RANBP17: variants seen among roughly 807,000 people sequenced by gnomAD.
RANBP17 encodes ran-binding protein 17.
RANBP17 carries 158 observed loss-of-function variants against 141.2 expected under a neutral mutation model. That is an observed-to-expected ratio of 1.12 (90% CI 0.98 to 1.28). RANBP17 has a LOEUF of 1.28. RANBP17 is among the 50% of genes most tolerant of loss of function. The pLI, the probability that RANBP17 is intolerant of heterozygous loss-of-function variation, is 0.00. For missense variants in RANBP17, 1,438 were observed against 1,290.7 expected (o/e 1.11, Z -1.75); for synonymous variants, 430 against 450.0 (o/e 0.96, Z 0.56).
intron 14 of RANBP17, among the ~76,000 whole-genome samples, chr5:170,973,494 A>G (rs1380801498): frequency 2.6e-5 from 4 of 152,242 alleles, no homozygotes; most frequent in South Asian, 2.1e-4. Context: ...AGAAAACACA[A>G]TAGACAAAGT....
In RANBP17 at chr5:171,148,599, G is replaced by GAT. The variant is rs148405071; in HGVS notation, c.1711-21515_1711-21514dup. ...AGGTACTTGTCTATATATCTGTATT[G>GAT]ATATATATATATATATAGAGAGAGA... is the stretch of plus-strand genomic sequence containing the variant. On this transcript the variant is annotated intron_variant, in intron 14 of 27. Transcript: ENST00000523189. Among the ~76,000 whole-genome samples the GAT allele has an allele frequency of 3.6e-3, 538 of 150,560 alleles. 4 individuals are homozygous for GAT. Among genetic ancestry groups the GAT allele is most frequent in the African/African-American group, 0.011 (440 of 40,900 alleles).
Position 171,183,846 on chromosome 5 carries a change from G to A in RANBP17, c.2038+416G>A, listed in dbSNP as rs866881675. On this transcript the variant is annotated intron_variant, in intron 18 of 27. Transcript: ENST00000523189. ...GTAGGGAATTGTAAAATTATGGCAC[G>A]CCTACTTACTTGTAGAATGATTGGC... Among the ~76,000 whole-genome samples, 22 of 152,280 alleles carry A rather than the reference G, an allele frequency of 1.4e-4. 1 individual carries two copies. In the South Asian group the frequency reaches 2.1e-3, roughly 14 times the overall value.
At chr5:170,988,562 AT>A (rs775067153) in intron 14 of RANBP17, among the ~76,000 whole-genome samples, 2 of 151,590 alleles carry the variant, frequency 1.3e-5, no homozygotes, top group South Asian at 2.1e-4. Flanking sequence ...TCAGTCTGTA[AT>A]TTTTTTTAAT....
chr5:171,103,411 C>T (rs1402713288), intron 14 of RANBP17, among the ~76,000 whole-genome samples: 2 of 152,180 alleles, frequency 1.3e-5, no homozygotes, highest in South Asian at 4.1e-4. Context: ...AAGGGGAAAA[C>T]TGCCTACTCA....
intron 4 of RANBP17, among the ~76,000 whole-genome samples, chr5:170,895,804 A>C: frequency 6.6e-6 from 1 of 152,212 alleles, no homozygotes; most frequent in Admixed American, 6.5e-5. Flanking sequence ...ATGCATTTAT[A>C]AGGGAGGAGC....
At chr5:170,988,987 A>G (rs1440552425) in intron 14 of RANBP17, among the ~76,000 whole-genome samples, 2 of 151,778 alleles carry the variant, frequency 1.3e-5, no homozygotes, top group Non-Finnish European at 3.0e-5. Context: ...AAAAATATTC[A>G]AGTTGCTTAA....
Position 170,919,515 on chromosome 5 carries a change from T to A in RANBP17, c.1176T>A (p.Phe392Leu), listed in dbSNP as rs778903397. Reference sequence around the variant, plus strand: ...AAAGGATGGTAGCATCTGTTCCTTTTGTGAAATCAACTGAACCCCACCTAT... The same window carrying A: ...AAAGGATGGTAGCATCTGTTCCTTTAGTGAAATCAACTGAACCCCACCTAT... ...LWQRMVASVP[F>L]VKSTEPHLLD... The change falls in exon 11 of 28, where the codon TTT becomes TTA. Residue 392 changes from phenylalanine to leucine, a missense_variant. Phe to Leu is a conservative substitution (Grantham distance 22). Transcript: ENST00000523189. The A allele has an allele frequency of 1.4e-5, 22 of 1,612,590 alleles. No individual in the cohort carries two copies. In the South Asian group the frequency reaches 2.3e-4, roughly 17 times the overall value.
At chr5:171,213,446 G>A (rs971235645) in intron 20 of RANBP17, among the ~76,000 whole-genome samples, 185 bp from the exon 21 acceptor site, 1 of 152,100 alleles carries the variant, frequency 6.6e-6, no homozygotes, top group Non-Finnish European at 1.5e-5. Flanking sequence ...AAAAATGTAT[G>A]TATATCTGTG....
At chr5:170,997,275 CTTGGG>C in intron 14 of RANBP17, among the ~76,000 whole-genome samples, 2 of 152,186 alleles carry the variant, frequency 1.3e-5, no homozygotes, top group Non-Finnish European at 2.9e-5. Context: ...ATTACCCAGT[CTTGGG>C]CTGTTCTTTA....
At chr5:171,171,475 G>T (rs1173274738) in intron 16 of RANBP17, among the ~76,000 whole-genome samples, 189 bp downstream of exon 16, 1 of 152,026 alleles carries the variant, frequency 6.6e-6, no homozygotes, top group Non-Finnish European at 1.5e-5. Context: ...GAAGCATTTA[G>T]TCGGAATCAC....
chr5:171,100,659 TCTTG>T (rs1277351890), intron 14 of RANBP17, among the ~76,000 whole-genome samples: 4 of 152,310 alleles, frequency 2.6e-5, no homozygotes, highest in Non-Finnish European at 5.9e-5. Flanking sequence ...ATTTGTTTGC[TCTTG>T]CTTCTCTAGT....
At chr5:170,877,989 T>C in intron 1 of RANBP17, 108 bp from the exon 2 acceptor site, 1 of 714,140 alleles carries the variant, frequency 1.4e-6, no homozygotes, top group Non-Finnish European at 2.1e-6. Flanking sequence ...TAAACATGTA[T>C]TGAATTAATG....
intron 25 of RANBP17, among the ~76,000 whole-genome samples, chr5:171,279,706 C>T (rs933684066): frequency 1.3e-4 from 19 of 151,858 alleles, no homozygotes; most frequent in African/African-American, 3.4e-4. Flanking sequence ...AAGGCCAACA[C>T]GGATTTTTTT....
At chr5:171,114,506 C>T (rs891073566) in intron 14 of RANBP17, among the ~76,000 whole-genome samples, 4 of 151,478 alleles carry the variant, frequency 2.6e-5, no homozygotes, top group Admixed American at 1.3e-4. Context: ...ATAATTAAAG[C>T]AGATTGGGTA....
intron 22 of RANBP17, among the ~76,000 whole-genome samples, chr5:171,225,765 G>T (rs908665063): frequency 6.6e-6 from 1 of 152,200 alleles, no homozygotes; most frequent in Non-Finnish European, 1.5e-5. Context: ...CAACTGACTT[G>T]TTATGTATTT....
chr5:170,973,594 A>G (rs1292395009), intron 14 of RANBP17, among the ~76,000 whole-genome samples: 4 of 152,228 alleles, frequency 2.6e-5, no homozygotes, highest in African/African-American at 9.6e-5. Context: ...AATAAATAAG[A>G]GAAAAGCTAC....
At chr5:170,999,199 A>T (rs1477882070) in intron 14 of RANBP17, among the ~76,000 whole-genome samples, 1 of 152,124 alleles carries the variant, frequency 6.6e-6, no homozygotes, top group South Asian at 2.1e-4. Flanking sequence ...AGTGTTTGCA[A>T]TAATTAAATT....
chr5:170,960,791 C>A (rs1443893383), intron 13 of RANBP17, among the ~76,000 whole-genome samples: 1 of 152,216 alleles, frequency 6.6e-6, no homozygotes, highest in Non-Finnish European at 1.5e-5. Context: ...TCAGGCTGTT[C>A]ATTATCTGGC....
At chr5:171,128,073 G>A (rs1055962560) in intron 14 of RANBP17, among the ~76,000 whole-genome samples, 10 of 152,126 alleles carry the variant, frequency 6.6e-5, no homozygotes, top group Non-Finnish European at 1.5e-4. Context: ...CAGGAGAATG[G>A]TGGGAACCTG....
Sources: allele counts gnomAD v4.1 joint callset (sites outside exome capture counted in the v4.1 genomes callset), GRCh38; gene constraint gnomAD v4.1.1; transcripts MANE v1.5; gene names NCBI Gene and HGNC (gene_info 2026-07-23, HGNC 2026-07-21).